Variants in ECEL1 observed in about 807,000 individuals in gnomAD.
The protein encoded by ECEL1 is endothelin-converting enzyme-like 1.
ECEL1 carries 87 observed loss-of-function variants against 101.8 expected under a neutral mutation model. That is an observed-to-expected ratio of 0.85 (90% CI 0.72 to 1.02). ECEL1 has a LOEUF of 1.02. Ranked by LOEUF, ECEL1 falls within the 50% of genes least tolerant of loss-of-function variation. The pLI is 0.00. For missense variants in ECEL1, 1,032 were observed against 1,079.2 expected (o/e 0.96, Z 0.61); for synonymous variants, 487 against 468.7 (o/e 1.04, Z -0.50).
chr2:232,486,761 G>A lies in ECEL1; in HGVS notation c.-101-7C>T. On this transcript the variant is annotated splice_region_variant and splice_polypyrimidine_tract_variant and intron_variant, in intron 1 of 17. Coordinates refer to ENST00000304546, the MANE Select transcript of ECEL1 (RefSeq NM_004826.4). ...CATGGCCCTGGGGCCGCAGCTGCGG[G>A]AAGGGCGGAAGCAGGCTCAGGAGGC... is the stretch of plus-strand genomic sequence containing the variant. 3 of 1,192,974 alleles carry A rather than the reference G, an allele frequency of 2.5e-6. No homozygotes were observed. Among genetic ancestry groups the A allele is most frequent in the East Asian group, 3.3e-5 (1 of 30,066 alleles). 73.9% of individuals were successfully genotyped at this position (1,192,974 alleles called of 1,614,324 possible). A position where few individuals can be genotyped will look rare whatever the true frequency, so the allele number is the denominator to read the frequency against.
chr2:232,485,739 C>A, intron 2 of ECEL1, 129 bp downstream of exon 2: 2 of 1,237,958 alleles, frequency 1.6e-6, no homozygotes, highest in Non-Finnish European at 2.2e-6. Flanking sequence ...CCCCTCCCCT[C>A]CCCTCTCCTG....
In ECEL1 at chr2:232,481,836, C is replaced by T. The variant is rs745378093; in HGVS notation, c.1810G>A (p.Gly604Arg). ...DPDFPQSLNY[G>R]GIGTIIGHEL... ...TGTCCAATGATGGTGCCGATGCCCCCGTAGTTGAGAGACCTGGGCCCACAG... is the reference window on the plus strand; with the variant it reads ...TGTCCAATGATGGTGCCGATGCCCCTGTAGTTGAGAGACCTGGGCCCACAG... The change falls in exon 13 of 18, where the codon GGG becomes AGG. Residue 604 changes from glycine (G) to arginine (R), a missense_variant. Transcript: ENST00000304546. 5.6e-6 allele frequency: 9 copies of T among 1,613,982 alleles called. No individual in the cohort carries two copies. In the East Asian group the frequency reaches 6.7e-5, roughly 12 times the overall value.
chr2:232,481,473 C>A (rs781731856), intron 14 of ECEL1, 33 bp downstream of exon 14: 2 of 1,587,824 alleles, frequency 1.3e-6, no homozygotes, highest in Non-Finnish European at 1.7e-6. Context: ...CCCACCAGGC[C>A]TGAGGGGCAC....
Position 232,484,032 on chromosome 2 carries a change from T to G in ECEL1, c.1376A>C (p.His459Pro). The G allele has an allele frequency of 6.2e-7, 1 of 1,610,916 alleles. No homozygotes were observed. Reference protein sequence around the residue: ...FGMALGALFVHEHFSAASKAK... With the variant: ...FGMALGALFVPEHFSAASKAK... ...TTTGCTGGCAGCTGAGAAGTGCTCA[T>G]GTACAAAGAGGGCGCCAAGCGCCAT... The change falls in exon 7 of 18, where the codon CAT becomes CCT. Residue 459 changes from histidine to proline, a missense_variant. Transcript: ENST00000304546.
At chr2:232,482,695 G>A in intron 10 of ECEL1, 87 bp from the exon 11 acceptor site, 1 of 1,534,588 alleles carries the variant, frequency 6.5e-7, no homozygotes, top group East Asian at 2.3e-5. Flanking sequence ...GCCATCTCCT[G>A]ACAGTCTGGG....
intron 9 of ECEL1, 56 bp from the exon 10 acceptor site, chr2:232,483,010 C>T (rs890986775): frequency 3.1e-6 from 5 of 1,612,372 alleles, no homozygotes; most frequent in Non-Finnish European, 4.2e-6. Context: ...TACCTGCAGA[C>T]TGGGCAACAA....
intron 10 of ECEL1, 50 bp downstream of exon 10, chr2:232,482,801 C>G (rs376563571): frequency 2.7e-5 from 44 of 1,602,722 alleles, no homozygotes; most frequent in South Asian, 5.5e-5. Flanking sequence ...CAGCTCCTGC[C>G]CTTTCCCCAC....
rs753094153 is a variant in ECEL1, at chr2:232,483,222, G to T, written c.1507-43C>A. The T allele has an allele frequency of 1.9e-6, 3 of 1,575,544 alleles. No homozygotes were observed. In the Admixed American group the frequency reaches 5.7e-5, roughly 30 times the overall value. On this transcript the variant is annotated intron_variant, in intron 8 of 17. Transcript: ENST00000304546. Reference sequence around the variant, plus strand: ...GTGAAGGTGGCACCAGGCCTCGGGAGACAGCCCCCCGCCCCCCACCCTACC... The same window carrying T: ...GTGAAGGTGGCACCAGGCCTCGGGATACAGCCCCCCGCCCCCCACCCTACC...
intron 10 of ECEL1, 97 bp from the exon 11 acceptor site, chr2:232,482,705 G>A: frequency 6.6e-7 from 1 of 1,522,398 alleles, no homozygotes; most frequent in Non-Finnish European, 9.0e-7. Flanking sequence ...GACAGTCTGG[G>A]GGTCACCCTG....
In ECEL1 at chr2:232,484,040, G is replaced by C. The variant is rs1438857570; in HGVS notation, c.1368C>G (p.Leu456=). Residue 456 remains leucine, a synonymous_variant, in exon 7 of 18, where the codon CTC becomes CTG. Coordinates refer to ENST00000304546, the MANE Select transcript of ECEL1 (RefSeq NM_004826.4). The part of the protein sequence containing the change: ...NRHFGMALGA[L]FVHEHFSAAS... The stretch of plus-strand genomic sequence containing the variant: ...CAGCTGAGAAGTGCTCATGTACAAA[G>C]AGGGCGCCAAGCGCCATGCCAAAGT... The C allele has an allele frequency of 1.2e-6, 2 of 1,611,846 alleles. No homozygotes were observed. The highest frequency in any genetic ancestry group is 1.3e-5 in the African/African-American group (1 of 74,914).
chr2:232,480,517 A>G, intron 16 of ECEL1, 42 bp from the exon 17 acceptor site: 1 of 1,610,710 alleles, frequency 6.2e-7, no homozygotes, highest in East Asian at 2.2e-5. Context: ...GGGGAGATGA[A>G]GCCAGGCATC....
chr2:232,486,170 G>A lies in ECEL1; in HGVS notation c.484C>T (p.Arg162Trp). 6.3e-7 allele frequency: 1 copy of A among 1,584,676 alleles called. No homozygotes were observed. The highest frequency in any genetic ancestry group is 8.5e-7 in the Non-Finnish European group (1 of 1,170,748). The stretch of plus-strand genomic sequence containing the variant: ...CCCCCGGGCCGCGCCAGCAGGCGCC[G>A]TAGGCGCTCCTCGTTTTGCTCGCCG... ...AIGEQNEERLRRLLARPGGGP... is the reference protein window; with the variant it reads ...AIGEQNEERLWRLLARPGGGP... Residue 162 changes from arginine to tryptophan, a missense_variant, in exon 2 of 18, where the codon CGG (arginine) becomes TGG (tryptophan). Transcript: ENST00000304546.
intron 14 of ECEL1, 74 bp from the exon 15 acceptor site, chr2:232,481,230 C>A: frequency 1.3e-6 from 2 of 1,516,190 alleles, no homozygotes; most frequent in South Asian, 2.4e-5. Flanking sequence ...TACCCTGGGC[C>A]CCAGCCCCTA....
rs1014196141 is a variant in ECEL1, at chr2:232,486,768, G to C, written c.-101-14C>G. On this transcript the variant is annotated splice_polypyrimidine_tract_variant and intron_variant, in intron 1 of 17. Coordinates refer to ENST00000304546, the MANE Select transcript of ECEL1 (RefSeq NM_004826.4). ...CTGGGGCCGCAGCTGCGGGAAGGGC[G>C]GAAGCAGGCTCAGGAGGCGCCGCAG... 8.6e-7 allele frequency: 1 copy of C among 1,160,686 alleles called. No individual in the cohort carries two copies. The highest frequency in any genetic ancestry group is 1.1e-6 in the Non-Finnish European group (1 of 911,776). The allele number at this position is 1,160,686 out of a possible 1,614,324, so 71.9% of individuals were successfully genotyped here.
In ECEL1 at chr2:232,484,596, A is replaced by G. The variant is rs756453127; in HGVS notation, c.1060T>C (p.Leu354=). ...LGQLQKITPH[L]RWKWLLDQIF... is the part of the protein sequence containing the mutation. Reference sequence around the variant, plus strand: ...TGGTCTAGCAGCCACTTCCACCGCAACTGTGAGACCAAGGACAGGGACAGT... The same window carrying G: ...TGGTCTAGCAGCCACTTCCACCGCAGCTGTGAGACCAAGGACAGGGACAGT... The change falls in exon 6 of 18, where the codon TTG becomes CTG. Residue 354 remains leucine (L), a splice_region_variant and synonymous_variant. Transcript: ENST00000304546. 6.2e-6 allele frequency: 10 copies of G among 1,613,762 alleles called. No homozygotes were observed. In the East Asian group the frequency reaches 2.0e-4, roughly 32 times the overall value.
At chr2:232,483,614 C>T in intron 7 of ECEL1, 100 bp from the exon 8 acceptor site, 1 of 965,148 alleles carries the variant, frequency 1.0e-6, no homozygotes, top group Non-Finnish European at 1.5e-6. Context: ...ACTTTCTAAG[C>T]CCAAACCTCA....
At chr2:232,481,996 G>A (rs1690592349) in intron 12 of ECEL1, 147 bp from the exon 13 acceptor site, 10 of 988,746 alleles carry the variant, frequency 1.0e-5, no homozygotes, top group South Asian at 3.3e-5. Flanking sequence ...GGGCACATGT[G>A]CCTCAGCTTC....
Position 232,485,988 on chromosome 2 carries a change from G to A in ECEL1, c.666C>T (p.Val222=), listed in dbSNP as rs1204926607. 2 of 1,604,938 alleles carry A rather than the reference G, an allele frequency of 1.2e-6. No individual in the cohort carries two copies. Among genetic ancestry groups the A allele is most frequent in the South Asian group, 1.1e-5 (1 of 89,828 alleles). ...GCCGGTTGAGGTCCCATCGCGCCGC[G>A]ACCCCCGGACGCTCCTCCGCGCCGC... ...DLGGAEERPG[V]AARWDLNRLL... is the part of the protein sequence containing the mutation. The change falls in exon 2 of 18, where the codon GTC becomes GTT. Residue 222 remains valine, a synonymous_variant. Coordinates refer to ENST00000304546, the MANE Select transcript of ECEL1 (RefSeq NM_004826.4).
In ECEL1 at chr2:232,481,380, ATG is replaced by A. The variant is rs1057426410; in HGVS notation, c.1989+124_1989+125del. 1.1e-4 allele frequency: 166 copies of A among 1,472,144 alleles called. 1 individual carries two copies. Among genetic ancestry groups the A allele is most frequent in the Non-Finnish European group, 1.5e-4 (162 of 1,093,590 alleles). The allele number at this position is 1,472,144 out of a possible 1,614,324, so 91.2% of individuals were successfully genotyped here. ...CCACGTGAGTGTGCGTGGGAACCGA[ATG>A]TGTGTGCAGGGACCTGGGCACAGGT... On this transcript the variant is annotated intron_variant, in intron 14 of 17. Transcript: ENST00000304546.
Sources: gnomAD v4.1 joint callset for allele counts on GRCh38, gnomAD v4.1.1 for gene constraint, MANE v1.5 for transcripts, NCBI Gene and HGNC (gene_info 2026-07-23, HGNC 2026-07-21) for gene names.